TRDN: variants seen among roughly 807,000 people sequenced by gnomAD.
The protein encoded by TRDN is triadin.
In TRDN, 161 loss-of-function variants were observed where a neutral mutation model predicts 149.7. The ratio of observed to expected loss-of-function variants is 1.08; its 90% CI spans 0.95 to 1.23. The LOEUF is 1.23. Ranked by LOEUF, TRDN falls within the 50% of genes most tolerant of loss-of-function variation. The pLI, the probability that TRDN is intolerant of heterozygous loss-of-function variation, is 0.00. For synonymous variants in TRDN, 294 were observed against 250.5 expected, an observed-to-expected ratio of 1.17 and a Z score of -1.64; for missense variants, 896 against 823.5, an observed-to-expected ratio of 1.09 and a Z score of -1.08.
intron 33 of TRDN, among the ~76,000 whole-genome samples, chr6:123,261,799 C>T (rs1776780088): frequency 6.6e-6 from 1 of 151,824 alleles, no homozygotes; most frequent in Non-Finnish European, 1.5e-5. Context: ...GTTTTGACTT[C>T]CAACCCTTAA....
intron 38 of TRDN, among the ~76,000 whole-genome samples, chr6:123,243,883 C>G (rs967320118): frequency 1.3e-5 from 2 of 152,064 alleles, no homozygotes; most frequent in African/African-American, 4.8e-5. Context: ...GTTAGAAAAT[C>G]TATTTAACGA....
intron 38 of TRDN, among the ~76,000 whole-genome samples, chr6:123,237,737 A>G (rs1407558871): frequency 6.6e-6 from 1 of 152,168 alleles, no homozygotes; most frequent in Non-Finnish European, 1.5e-5. Context: ...ATTTTGAATA[A>G]ACAATGGTTA....
At chr6:123,276,435 A>G (rs1777369070) in intron 26 of TRDN, among the ~76,000 whole-genome samples, 1 of 152,172 alleles carries the variant, frequency 6.6e-6, no homozygotes, top group Non-Finnish European at 1.5e-5. Flanking sequence ...CAAGCAAAGT[A>G]TGGAAGGTGC....
chr6:123,336,265 C>G (rs1372689701), intron 22 of TRDN, among the ~76,000 whole-genome samples: 2 of 152,048 alleles, frequency 1.3e-5, no homozygotes, highest in Non-Finnish European at 2.9e-5. Context: ...GACTTTGACT[C>G]TTACCTTTCC....
chr6:123,381,979 CT>C, intron 15 of TRDN, 138 bp downstream of exon 15: 1 of 563,620 alleles, frequency 1.8e-6, no homozygotes, highest in East Asian at 3.5e-5. Flanking sequence ...CTCTCTCTCT[CT>C]CTCTCTCTCA....
rs527998174 is a variant in TRDN at position 123,378,177 on chromosome 6, A to T, written c.1187-279T>A. 1.8e-4 allele frequency among the ~76,000 whole-genome samples: 27 copies of T among 152,324 alleles called. No individual in the cohort carries two copies. In the East Asian group the frequency reaches 5.0e-3, roughly 28 times the overall value. ...AAACCAGAAAAATAAAATAGAATCCATAAAGGGTGAAAAAAATTAAATTTG... is the reference window on the plus strand; with the variant it reads ...AAACCAGAAAAATAAAATAGAATCCTTAAAGGGTGAAAAAAATTAAATTTG... On this transcript the variant is annotated intron_variant, in intron 16 of 40. Coordinates refer to ENST00000334268, the MANE Select transcript of TRDN (RefSeq NM_006073.4).
chr6:123,534,298 C>T (rs147085627), intron 4 of TRDN, among the ~76,000 whole-genome samples: 35 of 152,256 alleles, frequency 2.3e-4, no homozygotes, highest in African/African-American at 7.7e-4. Flanking sequence ...TTTATTTGCT[C>T]AGGAAGACAA....
At chr6:123,523,399 G>A (rs76029062) in intron 5 of TRDN, among the ~76,000 whole-genome samples, 9,944 of 152,140 alleles carry the variant, frequency 0.065, 1,093 homozygotes, top group African/African-American at 0.23. Context: ...GCTTGGTAAG[G>A]AGGTAGCAGA....
intron 24 of TRDN, among the ~76,000 whole-genome samples, chr6:123,284,420 A>G (rs930891649): frequency 6.6e-6 from 1 of 151,964 alleles, no homozygotes; most frequent in Non-Finnish European, 1.5e-5. Flanking sequence ...AAATCACATG[A>G]TCATCTGAAT....
At chr6:123,567,054 A>T (rs1289534859) in intron 2 of TRDN, among the ~76,000 whole-genome samples, 1 of 152,178 alleles carries the variant, frequency 6.6e-6, no homozygotes, top group Non-Finnish European at 1.5e-5. Flanking sequence ...ATTAATTTCT[A>T]TGGGCAATGC....
chr6:123,262,503 G>C (rs937708065), intron 33 of TRDN, among the ~76,000 whole-genome samples: 3 of 151,906 alleles, frequency 2.0e-5, no homozygotes, highest in Non-Finnish European at 4.4e-5. Flanking sequence ...ATACATCCTG[G>C]TCCAGTGTCA....
chr6:123,501,273 T>C (rs185789154), intron 8 of TRDN, among the ~76,000 whole-genome samples: 1 of 152,104 alleles, frequency 6.6e-6, no homozygotes, highest in Admixed American at 6.6e-5. Context: ...TCCAAGTGAG[T>C]AAAGGACCTA....
chr6:123,463,473 T>C (rs1776599651), intron 10 of TRDN, among the ~76,000 whole-genome samples: 2 of 152,078 alleles, frequency 1.3e-5, no homozygotes, highest in Admixed American at 6.6e-5. Context: ...ATTTGCTACT[T>C]GGTGTTTTAT....
intron 21 of TRDN, chr6:123,351,463 A>G: frequency 1.0e-6 from 1 of 984,452 alleles, no homozygotes; most frequent in Non-Finnish European, 1.2e-6. Context: ...AAAAGAAACC[A>G]ACAGAAACAT....
At chr6:123,537,736 G>A (rs1230905858) in intron 4 of TRDN, among the ~76,000 whole-genome samples, 2 of 152,186 alleles carry the variant, frequency 1.3e-5, no homozygotes, top group Non-Finnish European at 2.9e-5. Flanking sequence ...GAGAAGGCTG[G>A]TAGTAGCAGC....
At chr6:123,271,505 A>G (rs1009457853) in intron 29 of TRDN, among the ~76,000 whole-genome samples, 2 of 151,904 alleles carry the variant, frequency 1.3e-5, no homozygotes, top group African/African-American at 4.8e-5. Flanking sequence ...TGCTTTATAA[A>G]ATATATGTTC....
intron 38 of TRDN, among the ~76,000 whole-genome samples, chr6:123,228,363 A>G (rs777054120): frequency 6.6e-6 from 1 of 151,942 alleles, no homozygotes; most frequent in Non-Finnish European, 1.5e-5. Flanking sequence ...AGAACTGCCC[A>G]AGATGGGTAA....
intron 10 of TRDN, among the ~76,000 whole-genome samples, chr6:123,454,338 G>A (rs1261806294): frequency 6.6e-6 from 1 of 152,112 alleles, no homozygotes; most frequent in Non-Finnish European, 1.5e-5. Context: ...AAGGTGTGAT[G>A]AAAGGATTTT....
At chr6:123,582,360 C>G (rs141291303) in intron 1 of TRDN, among the ~76,000 whole-genome samples, 12 of 152,190 alleles carry the variant, frequency 7.9e-5, no homozygotes, top group African/African-American at 2.9e-4. Flanking sequence ...GTGAAGAGAC[C>G]ACCAAACAGG....
Sources: allele counts gnomAD v4.1 joint callset (sites outside exome capture counted in the v4.1 genomes callset), GRCh38; gene constraint gnomAD v4.1.1; transcripts MANE v1.5; gene names NCBI Gene and HGNC (gene_info 2026-07-23, HGNC 2026-07-21).